LOC400499: variants seen among roughly 807,000 people sequenced by gnomAD.
At chr16:11,426,958 TAA>T in the LOC400499 span, among the ~76,000 whole-genome samples, 8 of 144,936 alleles carry the variant, frequency 5.5e-5, no homozygotes, top group African/African-American at 1.6e-4. Flanking sequence ...CTAGAATATA[TAA>T]AGAGTATCTA....
the LOC400499 span, among the ~76,000 whole-genome samples, chr16:11,373,379 C>G: frequency 1.3e-5 from 2 of 152,244 alleles, 1 homozygote; most frequent in East Asian, 3.8e-4. Context: ...GAGTCTCGCG[C>G]TATCACCCAG....
the LOC400499 span, among the ~76,000 whole-genome samples, chr16:11,473,755 C>CAAAA: frequency 8.0e-4 from 111 of 139,140 alleles, 2 homozygotes; most frequent in African/African-American, 1.4e-3. Context: ...AACTCTGTCT[C>CAAAA]AAAAAAAAAA....
the LOC400499 span, chr16:11,484,829 C>T: frequency 0.011 from 4,182 of 390,720 alleles, 148 homozygotes; most frequent in African/African-American, 0.081. Flanking sequence ...ACGCATGAAG[C>T]GGGGTGGGCC....
chr16:11,489,503 C>G, the LOC400499 span, among the ~76,000 whole-genome samples: 76 of 152,036 alleles, frequency 5.0e-4, no homozygotes, highest in Non-Finnish European at 1.8e-4. Flanking sequence ...CTGAATCCAA[C>G]GGGAATATTA....
chr16:11,407,713 C>T, the LOC400499 span, among the ~76,000 whole-genome samples: 1 of 152,188 alleles, frequency 6.6e-6, no homozygotes, highest in Non-Finnish European at 1.5e-5. Flanking sequence ...CACAACAGAA[C>T]TCCAAGTGTG....
At chr16:11,449,623 A>T in the LOC400499 span, among the ~76,000 whole-genome samples, 1 of 152,200 alleles carries the variant, frequency 6.6e-6, no homozygotes, top group Non-Finnish European at 1.5e-5. Flanking sequence ...CAGGGGTCTC[A>T]CCAGGAGAAG....
the LOC400499 span, among the ~76,000 whole-genome samples, chr16:11,519,195 A>G: frequency 2.6e-5 from 4 of 152,300 alleles, no homozygotes; most frequent in African/African-American, 4.8e-5. Flanking sequence ...AAACGTCTGG[A>G]AAGTTCTCAT....
the LOC400499 span, among the ~76,000 whole-genome samples, chr16:11,506,413 G>C: frequency 2.6e-5 from 4 of 152,224 alleles, no homozygotes; most frequent in Non-Finnish European, 5.9e-5. Context: ...GCCAGTATGA[G>C]CCAGTCCTGT....
At chr16:11,493,634 A>G in the LOC400499 span, 1 of 396,284 alleles carries the variant, frequency 2.5e-6, no homozygotes, top group Non-Finnish European at 4.4e-6. Flanking sequence ...AACAGCACAC[A>G]AGGGCTCACG....
At chr16:11,494,700 G>T in the LOC400499 span, 10 of 399,038 alleles carry the variant, frequency 2.5e-5, no homozygotes. Context: ...CAGAGGTTGT[G>T]CACCAGGGCT....
At chr16:11,473,695 C>T in the LOC400499 span, among the ~76,000 whole-genome samples, 625 of 150,728 alleles carry the variant, frequency 4.1e-3, 3 homozygotes, top group African/African-American at 0.015. Flanking sequence ...ACAGAGGTTG[C>T]AGTGAGCCGA....
chr16:11,464,446 G>A, the LOC400499 span, among the ~76,000 whole-genome samples: 3 of 152,228 alleles, frequency 2.0e-5, no homozygotes, highest in East Asian at 5.8e-4. Flanking sequence ...AGTTGTAAAT[G>A]TGTCACGTCA....
chr16:11,455,323 G>A, the LOC400499 span, among the ~76,000 whole-genome samples: 1 of 152,276 alleles, frequency 6.6e-6, no homozygotes, highest in Middle Eastern at 3.4e-3. Context: ...AACCTATGGA[G>A]AAGGCCTAAA....
the LOC400499 span, among the ~76,000 whole-genome samples, chr16:11,380,348 A>G: frequency 0.61 from 92,360 of 151,534 alleles, 28,983 homozygotes; most frequent in African/African-American, 0.72. Context: ...GGCCGGACAC[A>G]AGGCGGGCAG....
At chr16:11,432,385 A>C in the LOC400499 span, among the ~76,000 whole-genome samples, 1 of 152,226 alleles carries the variant, frequency 6.6e-6, no homozygotes, top group Non-Finnish European at 1.5e-5. Context: ...TGCACTTTAG[A>C]CACATTGTCT....
the LOC400499 span, among the ~76,000 whole-genome samples, chr16:11,388,339 G>A: frequency 6.6e-6 from 1 of 152,192 alleles, no homozygotes; most frequent in Non-Finnish European, 1.5e-5. Context: ...AGGAAGGCAG[G>A]AGCAGGAACT....
the LOC400499 span, among the ~76,000 whole-genome samples, chr16:11,496,203 A>C: frequency 6.6e-6 from 1 of 151,912 alleles, no homozygotes; most frequent in Non-Finnish European, 1.5e-5. Flanking sequence ...AGTAGCTGGG[A>C]TTACAGATGT....
At chr16:11,502,155 A>T in the LOC400499 span, 1 of 399,104 alleles carries the variant, frequency 2.5e-6, no homozygotes, top group African/African-American at 2.1e-5. Flanking sequence ...GAGCTGGGAC[A>T]CCAGTGTCAG....
At chr16:11,432,530 T>A in the LOC400499 span, among the ~76,000 whole-genome samples, 3 of 152,322 alleles carry the variant, frequency 2.0e-5, no homozygotes, top group African/African-American at 7.2e-5. Context: ...TAGGGTTGTT[T>A]AGAATTAAAC....
Sources: gnomAD v4.1 joint callset for allele counts (sites outside exome capture counted in the v4.1 genomes callset) on GRCh38, gnomAD v4.1.1 for gene constraint, MANE v1.5 for transcripts.